Variants in MORC2 observed in about 807,000 individuals in gnomAD.
The protein encoded by MORC2 is ATPase MORC2.
Under a neutral mutation model 136.0 loss-of-function variants are expected in MORC2, and 30 were observed. The observed-to-expected ratio is 0.22, with a 90% confidence interval of 0.17 to 0.30. The LOEUF (loss-of-function observed/expected upper bound fraction) is 0.30, where lower values mean the gene tolerates loss of function less well. Among genes scored for constraint, MORC2 ranks in the 10% least tolerant of loss-of-function variants. MORC2 has a pLI of 1.00. For synonymous variants in MORC2, 439 were observed against 487.0 expected, an observed-to-expected ratio of 0.90 and a Z score of 1.30; for missense variants, 922 against 1,333.1, an observed-to-expected ratio of 0.69 and a Z score of 4.80.
At chr22:30,935,467 G>A in intron 17 of MORC2, 145 bp from the exon 18 acceptor site, 1 of 735,494 alleles carries the variant, frequency 1.4e-6, no homozygotes, top group Admixed American at 2.7e-5. Flanking sequence ...TTCTCATTGG[G>A]GAGACACAAA....
In MORC2 at chr22:30,926,651, C is replaced by G. The variant is rs2040488478; in HGVS notation, c.*152G>C. The G allele has an allele frequency of 8.1e-6, 2 of 246,192 alleles. No homozygotes were observed. The highest frequency in any genetic ancestry group is 5.1e-5 in the African/African-American group (2 of 39,304). The allele number at this position is 246,192 out of a possible 1,614,324, so 15.3% of individuals were successfully genotyped here. Reference sequence around the variant, plus strand: ...AATATTTATAAACTTAAGGAAGATTCAAAGAATCAGGGTATCTTTTCCTCC... The same window carrying G: ...AATATTTATAAACTTAAGGAAGATTGAAAGAATCAGGGTATCTTTTCCTCC... On this transcript the variant is annotated 3_prime_UTR_variant, in exon 26 of 26. Transcript: ENST00000397641.
Position 30,941,806 on chromosome 22 carries a change from G to A in MORC2, c.698+85C>T. ...TACCACAGAACACTGGGCAATGAATGTGCTCTCCCCTCTTTCCCTGAAGCC... is the reference window on the plus strand; with the variant it reads ...TACCACAGAACACTGGGCAATGAATATGCTCTCCCCTCTTTCCCTGAAGCC... On this transcript the variant is annotated intron_variant, in intron 8 of 25. Coordinates refer to ENST00000397641, the MANE Select transcript of MORC2 (RefSeq NM_001303256.3). This position sits in a 1 kb window ranked among gnomAD's most constrained non-coding sequence, Gnocchi z 4.6. 4 of 1,285,960 alleles carry A rather than the reference G, an allele frequency of 3.1e-6. No individual in the cohort carries two copies. Among genetic ancestry groups the A allele is most frequent in the Non-Finnish European group, 4.5e-6 (4 of 895,730 alleles). 79.7% of individuals were successfully genotyped at this position (1,285,960 alleles called of 1,614,324 possible).
In MORC2 at chr22:30,946,410, G is replaced by A. The variant is rs1252724692; in HGVS notation, c.357C>T (p.Thr119=). The A allele has an allele frequency of 3.7e-6, 6 of 1,610,780 alleles. No individual in the cohort carries two copies. Among genetic ancestry groups the A allele is most frequent in the Non-Finnish European group, 5.1e-6 (6 of 1,178,492 alleles). ...MRIGKDFILF[T]KKEDTMTCLF... ...GGCAGGTCATGGTGTCTTCCTTCTT[G>A]GTGAACAGGATAAAATCCTTCCCAA... The change falls in exon 6 of 26, where the codon ACC becomes ACT. Residue 119 remains threonine, a synonymous_variant. Coordinates refer to ENST00000397641, the MANE Select transcript of MORC2 (RefSeq NM_001303256.3).
intron 17 of MORC2, among the ~76,000 whole-genome samples, chr22:30,935,676 A>G (rs1390697612): frequency 1.3e-5 from 2 of 152,232 alleles, no homozygotes; most frequent in Admixed American, 6.5e-5. Flanking sequence ...GGCATATAAA[A>G]CATCATGGGT....
Position 30,968,443 on chromosome 22 carries a change from T to G in MORC2, c.-554A>C, listed in dbSNP as rs2041163331. The stretch of plus-strand genomic sequence containing the variant: ...CGACGGAGTGTTATATGGCGCAAGT[T>G]GCAGCTTCACCACCTCCCAAGTGAA... On this transcript the variant is annotated 5_prime_UTR_variant, in exon 1 of 26. Coordinates refer to ENST00000397641, the MANE Select transcript of MORC2 (RefSeq NM_001303256.3). 1 of 152,678 alleles carries G rather than the reference T, an allele frequency of 6.5e-6. No homozygotes were observed. The highest frequency in any genetic ancestry group is 2.4e-5 in the African/African-American group (1 of 41,438). 9.5% of individuals were successfully genotyped at this position (152,678 alleles called of 1,614,324 possible).
chr22:30,967,589 G>A (rs1174622638), intron 1 of MORC2: 2 of 1,340,722 alleles, frequency 1.5e-6, no homozygotes, highest in African/African-American at 1.5e-5. Flanking sequence ...ACTAAAGTTT[G>A]CATTTAGAAA....
At position 30,942,240 on chromosome 22, in the gene MORC2, C is replaced by T. The variant is rs768748502; in HGVS notation, c.458G>A (p.Arg153Gln). 11 of 1,613,078 alleles carry T rather than the reference C, an allele frequency of 6.8e-6. No individual in the cohort carries two copies. Among genetic ancestry groups the T allele is most frequent in the Admixed American group, 3.3e-5 (2 of 60,000 alleles). The change falls in exon 7 of 26, where the codon CGG becomes CAG. Residue 153 changes from arginine (R) to glutamine (Q), a missense_variant. Coordinates refer to ENST00000397641, the MANE Select transcript of MORC2 (RefSeq NM_001303256.3). The stretch of plus-strand genomic sequence containing the variant: ...ATTGTCTGTGACAGGTTCCCGGGTC[C>T]GAGCATTCCAGGTGGGCAGTGGGAC... The part of the protein sequence containing the change: ...VIVPLPTWNA[R>Q]TREPVTDNVE...
chr22:30,931,625 A>T (rs541633426), intron 24 of MORC2, among the ~76,000 whole-genome samples: 1 of 152,272 alleles, frequency 6.6e-6, no homozygotes, highest in African/African-American at 2.4e-5. Flanking sequence ...AGAAGCCCCC[A>T]CCTCAAACAC....
intron 6 of MORC2, among the ~76,000 whole-genome samples, chr22:30,945,675 T>G (rs1221927413): frequency 6.6e-6 from 1 of 152,172 alleles, no homozygotes; most frequent in Non-Finnish European, 1.5e-5. Context: ...AAATGTGTGT[T>G]TAGCTTACAT....
chr22:30,932,159 A>C lies in MORC2; in HGVS notation c.2841+200T>G. 1.8e-6 allele frequency: 1 copy of C among 563,970 alleles called. No homozygotes were observed. The highest frequency in any genetic ancestry group is 1.9e-5 in the African/African-American group (1 of 53,284). The allele number at this position is 563,970 out of a possible 1,614,324, so 34.9% of individuals were successfully genotyped here. On this transcript the variant is annotated intron_variant, in intron 24 of 25. Coordinates refer to ENST00000397641, the MANE Select transcript of MORC2 (RefSeq NM_001303256.3). The surrounding 1 kb of genome is among the most constrained non-coding windows in gnomAD (Gnocchi z 4.4). ...TTGGCTTTCTGCACACCAGAGTCAT[A>C]TCCAGCTAAGCCAATTTTTTTCCCA...
At chr22:30,945,535 T>C (rs895570002) in intron 6 of MORC2, among the ~76,000 whole-genome samples, 3 of 152,144 alleles carry the variant, frequency 2.0e-5, no homozygotes, top group African/African-American at 7.2e-5. Flanking sequence ...ATGTCTTACA[T>C]AGGAAAGGAG....
intron 12 of MORC2, 48 bp downstream of exon 12, chr22:30,939,573 C>G: frequency 6.3e-7 from 1 of 1,588,368 alleles, no homozygotes; most frequent in South Asian, 1.1e-5. Flanking sequence ...ATAATCAGTC[C>G]AAAAGCTACG....
rs2040671202 is a variant in MORC2, at chr22:30,937,489, ATG to A, written c.1498+92_1498+93del. 1 of 1,532,912 alleles carries A rather than the reference ATG, an allele frequency of 6.5e-7. No homozygotes were observed. The highest frequency in any genetic ancestry group is 1.3e-5 in the South Asian group (1 of 79,732). 95.0% of individuals were successfully genotyped at this position (1,532,912 alleles called of 1,614,324 possible). ...TCCCTAGGGGACTGTAAGTCCATGAATGTCAGTCAAGTTAGGAGGCTGGCAGG... is the reference window on the plus strand; with the variant it reads ...TCCCTAGGGGACTGTAAGTCCATGAATCAGTCAAGTTAGGAGGCTGGCAGG... On this transcript the variant is annotated intron_variant, in intron 15 of 25. Transcript: ENST00000397641. This position sits in a 1 kb window ranked among gnomAD's most constrained non-coding sequence, Gnocchi z 4.7.
intron 3 of MORC2, 73 bp downstream of exon 3, chr22:30,956,689 CT>C (rs1299072779): frequency 3.3e-6 from 4 of 1,217,508 alleles, no homozygotes; most frequent in Middle Eastern, 1.9e-4. Context: ...TTATTTCCCA[CT>C]CAATTCTTCT....
intron 6 of MORC2, among the ~76,000 whole-genome samples, chr22:30,945,954 A>G (rs1189652788): frequency 1.3e-5 from 2 of 152,202 alleles, no homozygotes; most frequent in African/African-American, 4.8e-5. Context: ...AATCACCACC[A>G]AATAGGAAAC....
chr22:30,944,587 C>T (rs1037810661), intron 6 of MORC2, among the ~76,000 whole-genome samples: 1 of 152,144 alleles, frequency 6.6e-6, no homozygotes, highest in African/African-American at 2.4e-5. Context: ...CAGACTTCCC[C>T]CAAATGCCAG....
intron 13 of MORC2, 47 bp from the exon 14 acceptor site, chr22:30,938,016 C>T: frequency 6.2e-7 from 1 of 1,613,800 alleles, no homozygotes; most frequent in Non-Finnish European, 8.5e-7. Flanking sequence ...TGGCAACGCC[C>T]TCCTGCCAAC....
At chr22:30,945,279 C>A (rs572948587) in intron 6 of MORC2, among the ~76,000 whole-genome samples, 1 of 152,308 alleles carries the variant, frequency 6.6e-6, no homozygotes, top group East Asian at 1.9e-4. Context: ...ACTCACATAC[C>A]ACACCAAAAA....
At chr22:30,956,334 G>A (rs911356828) in intron 3 of MORC2, among the ~76,000 whole-genome samples, 5 of 152,124 alleles carry the variant, frequency 3.3e-5, no homozygotes, top group Admixed American at 6.5e-5. Context: ...TTCCGCAACC[G>A]ATACCAGCAA....
Sources: gnomAD v4.1 joint callset for allele counts (sites outside exome capture counted in the v4.1 genomes callset) on GRCh38, gnomAD v4.1.1 for gene constraint, Gnocchi (gnomAD v3.1) non-coding constraint, MANE v1.5 for transcripts, NCBI Gene and HGNC (gene_info 2026-07-23, HGNC 2026-07-21) for gene names.